Variants in CD59 observed in about 807,000 individuals in gnomAD.
CD59 encodes CD59 glycoprotein.
A neutral mutation model predicts 7.0 loss-of-function variants in CD59; 3 were observed. That is an observed-to-expected ratio of 0.43 (90% CI 0.19 to 1.10). CD59 has a LOEUF of 1.10. CD59 is among the 50% of genes least tolerant of loss of function. The pLI is 0.29. For synonymous variants in CD59, 60 were observed against 62.0 expected (o/e 0.97, Z 0.15); for missense variants, 143 against 151.0 (o/e 0.95, Z 0.28).
intron 1 of CD59, among the ~76,000 whole-genome samples, chr11:33,732,099 A>G (rs114583466): frequency 0.024 from 3,615 of 152,274 alleles, 130 homozygotes; most frequent in African/African-American, 0.08. Context: ...ACCCTCTGCC[A>G]TGATTGTGAG....
intron 1 of CD59, among the ~76,000 whole-genome samples, chr11:33,734,106 C>A (rs1414121632): frequency 1.3e-5 from 2 of 152,216 alleles, no homozygotes; most frequent in East Asian, 1.9e-4. Flanking sequence ...AGCTTTTGAA[C>A]CCCAGGTCTG....
At chr11:33,735,567 C>CT (rs1376939226) in intron 1 of CD59, among the ~76,000 whole-genome samples, 1 of 152,116 alleles carries the variant, frequency 6.6e-6, no homozygotes, top group East Asian at 1.9e-4. Context: ...CAGTCAGACT[C>CT]TAAGAAGGGT....
chr11:33,711,453 G>C (rs1449571286), intron 3 of CD59: 1 of 698,436 alleles, frequency 1.4e-6, no homozygotes, highest in South Asian at 1.5e-5. Flanking sequence ...TTAGGAGGCT[G>C]AAGTGAGAGG....
chr11:33,714,910 T>TCCTGAAGGAC (rs911933508), intron 3 of CD59, among the ~76,000 whole-genome samples: 1 of 150,568 alleles, frequency 6.6e-6, no homozygotes, highest in African/African-American at 2.4e-5. Context: ...CTGGAATACC[T>TCCTGAAGGAC]CCTGAAGGAC....
intron 3 of CD59, among the ~76,000 whole-genome samples, chr11:33,712,807 A>C (rs886660142): frequency 9.2e-5 from 14 of 152,356 alleles, no homozygotes; most frequent in African/African-American, 3.4e-4. Context: ...AAAACCCTAG[A>C]TGCAGAACAG....
At chr11:33,712,371 G>GA (rs1475239834) in intron 3 of CD59, among the ~76,000 whole-genome samples, 1 of 152,128 alleles carries the variant, frequency 6.6e-6, no homozygotes, top group Non-Finnish European at 1.5e-5. Context: ...CTAAAAAGTG[G>GA]AAACAACCCA....
At chr11:33,726,275 T>C (rs1251832448) in intron 1 of CD59, among the ~76,000 whole-genome samples, 2 of 152,194 alleles carry the variant, frequency 1.3e-5, no homozygotes, top group Non-Finnish European at 2.9e-5. Flanking sequence ...ACCACATAAT[T>C]GGAAGTAAAA....
At chr11:33,717,815 C>T in intron 2 of CD59, 1 of 336,714 alleles carries the variant, frequency 3.0e-6, no homozygotes, top group Non-Finnish European at 5.8e-6. Flanking sequence ...TAAGTGTCTT[C>T]CAAGCAATGA....
chr11:33,715,433 C>T (rs1278820483), intron 3 of CD59, among the ~76,000 whole-genome samples: 1 of 152,072 alleles, frequency 6.6e-6, no homozygotes, highest in East Asian at 1.9e-4. Context: ...AACCCCGTCT[C>T]TACTAAAAAT....
chr11:33,711,156 G>A (rs748082051), intron 3 of CD59, among the ~76,000 whole-genome samples: 3 of 152,142 alleles, frequency 2.0e-5, no homozygotes, highest in Non-Finnish European at 2.9e-5. Context: ...CACAGAAAGG[G>A]AGAAAATGTT....
rs1469332889 is a variant in CD59, at chr11:33,725,901, CTT to C, written c.-18-3440_-18-3439del. Among the ~76,000 whole-genome samples the C allele has an allele frequency of 2.0e-5, 3 of 152,190 alleles. No homozygotes were observed. In the East Asian group the frequency reaches 5.8e-4, roughly 29 times the overall value. On this transcript the variant is annotated intron_variant, in intron 1 of 3. Transcript: ENST00000642928. ...TGCAATCCTAGTCTCTGATAAAAGA[CTT>C]TAAACCAACAAAGATCAAAAGAGAT...
chr11:33,714,541 C>G (rs1853703114), intron 3 of CD59, among the ~76,000 whole-genome samples: 1 of 152,176 alleles, frequency 6.6e-6, no homozygotes, highest in Non-Finnish European at 1.5e-5. Flanking sequence ...TTAGTCCACA[C>G]TAAGCTTATT....
chr11:33,722,608 C>T, intron 1 of CD59, 145 bp from the exon 2 acceptor site: 1 of 1,512,554 alleles, frequency 6.6e-7, no homozygotes, highest in Non-Finnish European at 8.9e-7. Context: ...TGGGCCATGC[C>T]CCAGCTCTGA....
At chr11:33,713,997 T>G (rs1285358751) in intron 3 of CD59, among the ~76,000 whole-genome samples, 1 of 152,226 alleles carries the variant, frequency 6.6e-6, no homozygotes. Flanking sequence ...GTTCAGAACG[T>G]CATTACAGCA....
intron 1 of CD59, chr11:33,722,723 C>T: frequency 1.6e-6 from 2 of 1,261,446 alleles, no homozygotes; most frequent in East Asian, 4.1e-5. Flanking sequence ...GTCAGTGAGT[C>T]AAATGACAAT....
chr11:33,723,559 A>G (rs1356511240), intron 1 of CD59, among the ~76,000 whole-genome samples: 1 of 152,184 alleles, frequency 6.6e-6, no homozygotes, highest in African/African-American at 2.4e-5. Flanking sequence ...TGGTTTTATG[A>G]TATGTGAGGA....
intron 1 of CD59, among the ~76,000 whole-genome samples, chr11:33,726,944 G>A (rs1218603900): frequency 2.0e-5 from 3 of 150,994 alleles, no homozygotes; most frequent in Non-Finnish European, 3.0e-5. Flanking sequence ...TAAATTCCTG[G>A]GCACATACAC....
chr11:33,720,861 C>T (rs1286853330), intron 2 of CD59, among the ~76,000 whole-genome samples: 1 of 152,254 alleles, frequency 6.6e-6, no homozygotes, highest in Non-Finnish European at 1.5e-5. Context: ...AGTTCCCCTG[C>T]AGGGTCCTGA....
In CD59 at chr11:33,703,593, G is replaced by A. The variant is rs1407371748; in HGVS notation, c.*6533C>T. ...GGGTCAGTTGAAAGATGTAGCTGTC[G>A]GCCTGGTAGCCAGGTGGGCTTGCTA... On this transcript the variant is annotated 3_prime_UTR_variant, in exon 4 of 4. Transcript: ENST00000642928. 1.3e-5 allele frequency: 2 copies of A among 152,190 alleles called. No homozygotes were observed. The highest frequency in any genetic ancestry group is 2.4e-5 in the African/African-American group (1 of 41,432). 9.4% of individuals were successfully genotyped at this position (152,190 alleles called of 1,614,324 possible). A position where few individuals can be genotyped will look rare whatever the true frequency, so the allele number is the denominator to read the frequency against.
Sources: allele counts gnomAD v4.1 joint callset (sites outside exome capture counted in the v4.1 genomes callset), GRCh38; gene constraint gnomAD v4.1.1; transcripts MANE v1.5; gene names NCBI Gene and HGNC (gene_info 2026-07-23, HGNC 2026-07-21).